LRP2: variants seen among roughly 807,000 people sequenced by gnomAD.
The protein encoded by LRP2 is low-density lipoprotein receptor-related protein 2.
Under a neutral mutation model 531.0 loss-of-function variants are expected in LRP2, and 172 were observed. The observed-to-expected ratio is 0.32, with a 90% confidence interval of 0.29 to 0.37. LRP2 has a LOEUF of 0.37. LRP2 is among the 10% of genes least tolerant of loss of function. The pLI, the probability that LRP2 is intolerant of heterozygous loss-of-function variation, is 1.00. For missense variants in LRP2, 5,167 were observed against 5,868.3 expected, an observed-to-expected ratio of 0.88 and a Z score of 3.90; for synonymous variants, 1,992 against 2,027.6, an observed-to-expected ratio of 0.98 and a Z score of 0.47.
At chr2:169,236,775 C>G (rs1689620794) in intron 28 of LRP2, among the ~76,000 whole-genome samples, 1 of 152,184 alleles carries the variant, frequency 6.6e-6, no homozygotes, top group Admixed American at 6.5e-5. Flanking sequence ...TTACATCAAA[C>G]TGGCCCCTCT....
At chr2:169,186,159 CTG>C (rs1243032286) in intron 49 of LRP2, 140 bp from the exon 50 acceptor site, 6 of 756,678 alleles carry the variant, frequency 7.9e-6, no homozygotes, top group Admixed American at 7.9e-5. Context: ...CTTCCAAAGA[CTG>C]TGGATTATTG....
chr2:169,324,415 G>A (rs926973691), intron 1 of LRP2, among the ~76,000 whole-genome samples: 8 of 152,088 alleles, frequency 5.3e-5, no homozygotes, highest in Admixed American at 5.2e-4. Context: ...TATTGGGCTG[G>A]CATAGAATCC....
At chr2:169,336,529 G>A (rs1049424869) in intron 1 of LRP2, among the ~76,000 whole-genome samples, 3 of 146,632 alleles carry the variant, frequency 2.0e-5, no homozygotes, top group Non-Finnish European at 4.5e-5. Context: ...GACAGAGCAA[G>A]ACTCCATCAC....
chr2:169,231,688 G>C (rs1322067922), intron 31 of LRP2, 26 bp downstream of exon 31: 7 of 1,613,372 alleles, frequency 4.3e-6, no homozygotes, highest in Non-Finnish European at 2.5e-6. Flanking sequence ...TCCATCTTCA[G>C]AGCTCACATA....
At chr2:169,332,129 G>C (rs1028205331) in intron 1 of LRP2, among the ~76,000 whole-genome samples, 1 of 152,152 alleles carries the variant, frequency 6.6e-6, no homozygotes, top group South Asian at 2.1e-4. Flanking sequence ...GAGATCACCA[G>C]GTTATCAAGT....
chr2:169,191,906 C>A lies in LRP2; in HGVS notation c.8958G>T (p.Gln2986His). 1 of 1,614,162 alleles carries A rather than the reference C, an allele frequency of 6.2e-7. No individual in the cohort carries two copies. The highest frequency in any genetic ancestry group is 8.5e-7 in the Non-Finnish European group (1 of 1,180,022). The stretch of plus-strand genomic sequence containing the variant: ...CAGAGCAAGTTCTCCTGGTGCAATT[C>A]TGATTCTCATCGTAGCCGTCAGTAC... Reference protein sequence around the residue: ...VDCTDGYDENQNCTRRTCSEN... With the variant: ...VDCTDGYDENHNCTRRTCSEN... The change falls in exon 48 of 79, where the codon CAG (glutamine) becomes CAT (histidine). Residue 2986 changes from glutamine to histidine, a missense_variant. Gln to His is a conservative substitution (Grantham distance 24). This residue lies in a region of LRP2 where 1,129 missense variants were observed against 1,362.7 expected (regional missense o/e 0.83). Transcript: ENST00000649046.
chr2:169,312,086 C>G (rs1419880041), intron 3 of LRP2, among the ~76,000 whole-genome samples: 2 of 152,060 alleles, frequency 1.3e-5, no homozygotes, highest in African/African-American at 4.8e-5. Flanking sequence ...TATTTTGAGC[C>G]TATGTGTGTC....
intron 4 of LRP2, among the ~76,000 whole-genome samples, chr2:169,306,437 G>A (rs897447695): frequency 3.9e-5 from 6 of 152,224 alleles, no homozygotes; most frequent in Middle Eastern, 3.2e-3. Flanking sequence ...GGGAGGCTGA[G>A]GCAGGAGAAT....
intron 43 of LRP2, 44 bp from the exon 44 acceptor site, chr2:169,201,914 C>T: frequency 6.2e-7 from 1 of 1,610,620 alleles, no homozygotes; most frequent in East Asian, 2.2e-5. Context: ...TTGATTAAAA[C>T]ATTATCCTAA....
At chr2:169,216,483 C>T in intron 34 of LRP2, 53 bp from the exon 35 acceptor site, 5 of 1,569,622 alleles carry the variant, frequency 3.2e-6, no homozygotes, top group Non-Finnish European at 4.4e-6. Flanking sequence ...GGATTTGAGT[C>T]AGTGACATAA....
Position 169,206,489 on chromosome 2 carries a change from G to T in LRP2, c.7231C>A (p.Pro2411Thr). The part of the protein sequence containing the change: ...LHLDPENHSP[P>T]FQTINVERTV... ...CTTTCCACATTTATTGTTTGGAAAG[G>T]TGGGCTATGGTTTTCAGGGTCCAAG... Residue 2411 changes from proline (P) to threonine (T), a missense_variant, in exon 39 of 79, where the codon CCT becomes ACT. This residue lies in a region of LRP2 where 2,811 missense variants were observed against 3,058.0 expected (regional missense o/e 0.92). Coordinates refer to ENST00000649046, the MANE Select transcript of LRP2 (RefSeq NM_004525.3). 1 of 1,614,198 alleles carries T rather than the reference G, an allele frequency of 6.2e-7. No individual in the cohort carries two copies.
intron 18 of LRP2, 53 bp downstream of exon 18, chr2:169,257,070 AT>A: frequency 3.7e-6 from 6 of 1,606,304 alleles, no homozygotes; most frequent in Non-Finnish European, 5.1e-6. Flanking sequence ...CTGCCTCATT[AT>A]GTGTTCTGCA....
At position 169,362,263 on chromosome 2, in the gene LRP2, G is replaced by A. The variant is rs1686188264; in HGVS notation, c.79+58C>T. The A allele has an allele frequency of 2.8e-6, 4 of 1,453,630 alleles. No individual in the cohort carries two copies. In the African/African-American group the frequency reaches 4.3e-5, roughly 15 times the overall value. The allele number at this position is 1,453,630 out of a possible 1,614,324, so 90.0% of individuals were successfully genotyped here. On this transcript the variant is annotated intron_variant, in intron 1 of 78. Transcript: ENST00000649046. ...CTCCCCTCCGGCCTCCCGCGGACCC[G>A]ACCCTGCCACAGCCGGGGAAGTGGG...
intron 1 of LRP2, among the ~76,000 whole-genome samples, chr2:169,340,791 G>A (rs1025451355): frequency 6.6e-6 from 1 of 152,134 alleles, no homozygotes; most frequent in Non-Finnish European, 1.5e-5. Context: ...TCCTCTCTGC[G>A]ACAGGAGCCC....
intron 44 of LRP2, among the ~76,000 whole-genome samples, chr2:169,200,392 T>G (rs1688165090): frequency 6.6e-6 from 1 of 152,162 alleles, no homozygotes; most frequent in Non-Finnish European, 1.5e-5. Context: ...GGGAATGAGG[T>G]CTCCTTGGAT....
intron 21 of LRP2, among the ~76,000 whole-genome samples, chr2:169,245,453 A>T (rs993699222): frequency 3.3e-5 from 5 of 152,218 alleles, no homozygotes; most frequent in African/African-American, 4.8e-5. Flanking sequence ...ACACAAAAAG[A>T]TGAAAATTTA....
At chr2:169,337,847 C>A (rs1003108437) in intron 1 of LRP2, among the ~76,000 whole-genome samples, 1 of 152,190 alleles carries the variant, frequency 6.6e-6, no homozygotes, top group African/African-American at 2.4e-5. Flanking sequence ...TAGCTCACGC[C>A]TATAATCCCA....
intron 44 of LRP2, among the ~76,000 whole-genome samples, chr2:169,201,212 T>G (rs11687903): frequency 0.33 from 49,550 of 152,074 alleles, 8,637 homozygotes; most frequent in East Asian, 0.55. Flanking sequence ...ATTGAAGAAT[T>G]ATAACAATCA....
At chr2:169,215,504 G>A (rs75000978) in intron 35 of LRP2, among the ~76,000 whole-genome samples, 2,772 of 151,988 alleles carry the variant, frequency 0.018, 85 homozygotes, top group African/African-American at 0.061. Context: ...AGAAAGTTTC[G>A]CATGTGCATT....
Sources: gnomAD v4.1 joint callset for allele counts (sites outside exome capture counted in the v4.1 genomes callset) on GRCh38, gnomAD v4.1.1 for gene constraint, gnomAD v4.1.1 regional missense constraint, MANE v1.5 for transcripts, NCBI Gene and HGNC (gene_info 2026-07-23, HGNC 2026-07-21) for gene names.